The following EFL1 variants were observed in gnomAD, a reference collection of about 807,000 sequenced individuals.
EFL1 encodes elongation factor like GTPase 1, also known as elongation factor-like GTPase 1.
Under a neutral mutation model 126.7 loss-of-function variants are expected in EFL1, and 76 were observed. The ratio of observed to expected loss-of-function variants is 0.60; its 90% CI spans 0.50 to 0.73. EFL1 has a LOEUF of 0.73. Ranked by LOEUF, EFL1 falls within the 30% of genes least tolerant of loss-of-function variation. The probability of loss-of-function intolerance (pLI) is 0.00; values close to 1 mark genes in which losing one functional copy is unlikely to be tolerated. For missense variants in EFL1, 1,128 were observed against 1,343.2 expected (o/e 0.84, Z 2.50); for synonymous variants, 410 against 448.4 (o/e 0.91, Z 1.08).
chr15:82,223,102 C>G (rs1380352108), intron 12 of EFL1, among the ~76,000 whole-genome samples: 1 of 152,146 alleles, frequency 6.6e-6, no homozygotes, highest in Non-Finnish European at 1.5e-5. Context: ...TCCTGCCTTA[C>G]TTTTCTCCCT....
chr15:82,226,548 G>A (rs1453662930), intron 11 of EFL1, among the ~76,000 whole-genome samples: 3 of 152,148 alleles, frequency 2.0e-5, no homozygotes, highest in South Asian at 2.1e-4. Flanking sequence ...AACTGAGATG[G>A]GAATGACTAG....
chr15:82,179,387 A>C (rs749588325), intron 15 of EFL1, among the ~76,000 whole-genome samples: 3 of 152,112 alleles, frequency 2.0e-5, no homozygotes, highest in Non-Finnish European at 4.4e-5. Context: ...TTGCTTGTAA[A>C]ACAGCACTGT....
intron 5 of EFL1, 61 bp downstream of exon 5, chr15:82,241,209 T>C: frequency 6.3e-7 from 1 of 1,589,508 alleles, no homozygotes; most frequent in Non-Finnish European, 8.6e-7. Flanking sequence ...CTAAAGTCAG[T>C]CAGTTCCCCC....
At chr15:82,164,995 G>C (rs571634609) in intron 15 of EFL1, among the ~76,000 whole-genome samples, 2 of 151,962 alleles carry the variant, frequency 1.3e-5, no homozygotes, top group Non-Finnish European at 2.9e-5. Flanking sequence ...CACATACAAA[G>C]GGCCAGTGCA....
intron 4 of EFL1, among the ~76,000 whole-genome samples, chr15:82,251,832 C>A (rs1413942622): frequency 6.6e-6 from 1 of 152,086 alleles, no homozygotes; most frequent in Non-Finnish European, 1.5e-5. Context: ...TTATTATTTT[C>A]TTCTAATTAC....
intron 17 of EFL1, 122 bp downstream of exon 17, chr15:82,157,591 T>A (rs566954366): frequency 1.7e-6 from 2 of 1,173,112 alleles, no homozygotes; most frequent in South Asian, 1.8e-5. Context: ...ATGTCTGAAT[T>A]GAGGGCATTT....
intron 15 of EFL1, among the ~76,000 whole-genome samples, chr15:82,179,705 A>G (rs1472150321): frequency 6.6e-6 from 1 of 151,808 alleles, no homozygotes; most frequent in African/African-American, 2.4e-5. Context: ...ACTGAAAGAA[A>G]AGTAAAAATG....
At chr15:82,252,994 G>A (rs567839650) in intron 3 of EFL1, among the ~76,000 whole-genome samples, 35 of 151,740 alleles carry the variant, frequency 2.3e-4, no homozygotes, top group Non-Finnish European at 4.4e-5. Flanking sequence ...GAGATTACAG[G>A]TGTGAACCAT....
chr15:82,209,310 G>GACACACACACACACACAC (rs1439189664), intron 15 of EFL1, among the ~76,000 whole-genome samples: 2 of 94,838 alleles, frequency 2.1e-5, no homozygotes, highest in African/African-American at 7.9e-5. Flanking sequence ...TTCACACACA[G>GACACACACACACACACAC]ACACAGACAC....
chr15:82,153,498 G>A (rs1273420272), intron 17 of EFL1, among the ~76,000 whole-genome samples: 1 of 152,102 alleles, frequency 6.6e-6, no homozygotes, highest in African/African-American at 2.4e-5. Flanking sequence ...TGTGTTAAGT[G>A]TTTTACATGT....
chr15:82,134,328 A>G (rs1238668949), intron 19 of EFL1, among the ~76,000 whole-genome samples: 3 of 151,606 alleles, frequency 2.0e-5, no homozygotes, highest in Non-Finnish European at 4.4e-5. Context: ...AGGACCCTCC[A>G]GGCCACAGAG....
At chr15:82,178,170 TGACAGA>T (rs1277396067) in intron 15 of EFL1, among the ~76,000 whole-genome samples, 4 of 152,244 alleles carry the variant, frequency 2.6e-5, no homozygotes, top group Non-Finnish European at 5.9e-5. Context: ...GCTAACATGC[TGACAGA>T]GCATCTTTGA....
chr15:82,151,347 C>T, intron 18 of EFL1, 118 bp downstream of exon 18: 1 of 959,386 alleles, frequency 1.0e-6, no homozygotes, highest in Non-Finnish European at 1.6e-6. Context: ...GAGATTGTGC[C>T]ACTGCACTCC....
Position 82,239,422 on chromosome 15 carries a change from C to G in EFL1, c.517-901G>C, listed in dbSNP as rs554220951. 4.6e-4 allele frequency among the ~76,000 whole-genome samples: 70 copies of G among 152,334 alleles called. 1 individual carries two copies. The highest frequency in any genetic ancestry group is 1.6e-3 in the African/African-American group (68 of 41,572). ...AAGCGCTGGGATTACAGGTGTAAGC[C>G]AGCTCGCCCGGCCTACCTCTTCCTA... On this transcript the variant is annotated intron_variant, in intron 6 of 19. Coordinates refer to ENST00000268206, the MANE Select transcript of EFL1 (RefSeq NM_024580.6).
In EFL1 at chr15:82,213,643, C is replaced by T. The variant is rs966861205; in HGVS notation, c.1750+1074G>A. Among the ~76,000 whole-genome samples, 10 of 152,124 alleles carry T rather than the reference C, an allele frequency of 6.6e-5. No homozygotes were observed. The East Asian group carries it at 1.9e-3, about 29-fold the overall frequency. On this transcript the variant is annotated intron_variant, in intron 15 of 19. Coordinates refer to ENST00000268206, the MANE Select transcript of EFL1 (RefSeq NM_024580.6). ...GAGCATCATGCTGGAGATCTTATAC[C>T]TCATGTTCCATTTAATTTGAGCAAT...
At chr15:82,138,251 C>T (rs1441697847) in intron 19 of EFL1, among the ~76,000 whole-genome samples, 1 of 152,062 alleles carries the variant, frequency 6.6e-6, no homozygotes, top group East Asian at 1.9e-4. Flanking sequence ...CCTCTAATTA[C>T]TGGAGATATT....
At chr15:82,185,970 T>C (rs1326820952) in intron 15 of EFL1, among the ~76,000 whole-genome samples, 1 of 152,230 alleles carries the variant, frequency 6.6e-6, no homozygotes, top group Non-Finnish European at 1.5e-5. Flanking sequence ...CATTTAACTA[T>C]TGTACTCATC....
At chr15:82,159,578 T>G (rs2074002262) in intron 16 of EFL1, among the ~76,000 whole-genome samples, 1 of 151,230 alleles carries the variant, frequency 6.6e-6, no homozygotes, top group African/African-American at 2.4e-5. Context: ...AAAGATAACA[T>G]AAATACTTCA....
intron 15 of EFL1, among the ~76,000 whole-genome samples, chr15:82,185,485 A>T (rs912220248): frequency 4.6e-5 from 7 of 152,206 alleles, no homozygotes; most frequent in African/African-American, 1.7e-4. Context: ...TTAAAAAATT[A>T]GAACTTTTCC....
Sources: gnomAD v4.1 joint callset for allele counts (sites outside exome capture counted in the v4.1 genomes callset) on GRCh38, gnomAD v4.1.1 for gene constraint, MANE v1.5 for transcripts, NCBI Gene and HGNC (gene_info 2026-07-23, HGNC 2026-07-21) for gene names.